Variants in PRKX observed in about 807,000 individuals in gnomAD.
The protein encoded by PRKX is cAMP-dependent protein kinase catalytic subunit PRKX.
Under a neutral mutation model 22.0 loss-of-function variants are expected in PRKX, and 12 were observed. The ratio of observed to expected loss-of-function variants is 0.54; its 90% confidence interval spans 0.35 to 0.88. The LOEUF is 0.88. Among genes scored for constraint, PRKX ranks in the 40% least tolerant of loss-of-function variants. The probability of loss-of-function intolerance (pLI) is 0.01; values close to 1 mark genes in which losing one functional copy is unlikely to be tolerated. For missense variants in PRKX, 217 were observed against 308.0 expected, an observed-to-expected ratio of 0.70 and a Z score of 2.21; for synonymous variants, 134 against 137.7, an observed-to-expected ratio of 0.97 and a Z score of 0.19.
At chrX:3,682,173 A>G (rs1928086509) in intron 1 of PRKX, among the ~76,000 whole-genome samples, 2 of 110,131 alleles carry the variant, frequency 1.8e-5, no homozygotes, top group Non-Finnish European at 3.8e-5. Context: ...ACTGCAGCAC[A>G]TTCCCGGGAG....
intron 1 of PRKX, among the ~76,000 whole-genome samples, chrX:3,705,825 TA>T (rs1308076337): frequency 5.2e-4 from 56 of 107,436 alleles, no homozygotes; most frequent in Admixed American, 4.8e-3. Context: ...CAGCTGGGAC[TA>T]ACAGGCGCCC....
intron 4 of PRKX, among the ~76,000 whole-genome samples, chrX:3,628,232 A>G (rs1926700601): frequency 9.0e-6 from 1 of 111,109 alleles, no homozygotes; most frequent in East Asian, 2.9e-4. Context: ...AGAACAGAGG[A>G]TACTAGACGC....
chrX:3,630,334 C>T (rs7884383), intron 4 of PRKX, among the ~76,000 whole-genome samples: 84 of 96,504 alleles, frequency 8.7e-4, no homozygotes, highest in Middle Eastern at 5.3e-3. Context: ...CCAAGGTGGG[C>T]GGATCACGAG....
chrX:3,683,433 G>C (rs1168484912), intron 1 of PRKX, among the ~76,000 whole-genome samples: 10 of 110,806 alleles, frequency 9.0e-5, no homozygotes, highest in African/African-American at 3.3e-4. Flanking sequence ...GCCTAGACAT[G>C]TCTGAGCCTT....
chrX:3,637,885 C>G (rs1457980192), intron 4 of PRKX, among the ~76,000 whole-genome samples: 13 of 109,352 alleles, frequency 1.2e-4, no homozygotes, highest in African/African-American at 4.0e-4. Flanking sequence ...TCTCGTGCCT[C>G]AGACTCCCGA....
chrX:3,619,983 G>T (rs1220366523), intron 6 of PRKX, among the ~76,000 whole-genome samples: 1 of 111,824 alleles, frequency 8.9e-6, no homozygotes, highest in African/African-American at 3.3e-5. Context: ...GTCAAATTCA[G>T]GGATGTCAAA....
At chrX:3,633,594 C>T (rs1343630871) in intron 4 of PRKX, among the ~76,000 whole-genome samples, 8 of 111,260 alleles carry the variant, frequency 7.2e-5, no homozygotes, top group African/African-American at 2.6e-4. Flanking sequence ...AAAAAATTTA[C>T]ACCAATTGTG....
intron 3 of PRKX, among the ~76,000 whole-genome samples, chrX:3,654,915 C>G (rs1004805945): frequency 6.3e-5 from 7 of 111,391 alleles, no homozygotes; most frequent in Middle Eastern, 4.2e-3. Context: ...ATTTCCTCCA[C>G]GGTGCCAGTG....
At chrX:3,675,463 T>C (rs1927933368) in intron 1 of PRKX, among the ~76,000 whole-genome samples, 1 of 110,348 alleles carries the variant, frequency 9.1e-6, no homozygotes, top group African/African-American at 3.3e-5. Flanking sequence ...CTCCATCTCT[T>C]CCTTCTCTTT....
At chrX:3,682,055 C>T (rs1474357151) in intron 1 of PRKX, among the ~76,000 whole-genome samples, 1 of 111,548 alleles carries the variant, frequency 9.0e-6, no homozygotes, top group African/African-American at 3.3e-5. Flanking sequence ...TGGAATTTCA[C>T]GCGGTCACAA....
At chrX:3,632,922 A>G (rs1427643542) in intron 4 of PRKX, among the ~76,000 whole-genome samples, 1 of 112,853 alleles carries the variant, frequency 8.9e-6, no homozygotes, top group African/African-American at 3.2e-5. Flanking sequence ...TTTCGCCTGA[A>G]AAATTCATGC....
Position 3,708,905 on chromosome X carries a change from T to C in PRKX, c.166+4183A>G, listed in dbSNP as rs764703451. 2.8e-5 allele frequency among the ~76,000 whole-genome samples: 3 copies of C among 108,862 alleles called. No individual in the cohort carries two copies. The Admixed American group carries it at 3.0e-4, about 11-fold the overall frequency. The allele number at this position is 108,862 out of a possible 115,157, so 94.5% of individuals were successfully genotyped here. On this transcript the variant is annotated intron_variant, in intron 1 of 8. Coordinates refer to ENST00000262848, the MANE Select transcript of PRKX (RefSeq NM_005044.5). ...GAGGGGTGTTCTGTGGTGAGGGAAT[T>C]CATCCTGCACCATGGTTTGGAGGGT...
chrX:3,677,378 A>G (rs1430278333), intron 1 of PRKX, among the ~76,000 whole-genome samples: 17 of 101,743 alleles, frequency 1.7e-4, no homozygotes, highest in Admixed American at 1.4e-3. Context: ...GCCCAGGCTG[A>G]AGTGCAATGG....
intron 1 of PRKX, among the ~76,000 whole-genome samples, chrX:3,706,019 C>A (rs1292302057): frequency 1.1e-4 from 11 of 103,295 alleles, no homozygotes; most frequent in African/African-American, 4.1e-4. Context: ...AAAAAAAAAA[C>A]CACAATGTCA....
chrX:3,697,913 C>T (rs73625738), intron 1 of PRKX, among the ~76,000 whole-genome samples: 2 of 111,577 alleles, frequency 1.8e-5, no homozygotes, highest in Non-Finnish European at 3.8e-5. Context: ...ACAGAACATG[C>T]TTTCTGGAAC....
At chrX:3,682,040 T>C (rs1405060693) in intron 1 of PRKX, among the ~76,000 whole-genome samples, 1 of 111,433 alleles carries the variant, frequency 9.0e-6, no homozygotes, top group Non-Finnish European at 1.9e-5. Flanking sequence ...ACAGGGACCG[T>C]GACATGGAAT....
intron 2 of PRKX, among the ~76,000 whole-genome samples, chrX:3,658,004 G>C (rs1391663723): frequency 9.0e-6 from 1 of 111,570 alleles, no homozygotes; most frequent in Non-Finnish European, 1.9e-5. Context: ...TTGTTTGTTT[G>C]TTTTTCAGAG....
At chrX:3,632,384 C>T in intron 4 of PRKX, among the ~76,000 whole-genome samples, 1 of 111,154 alleles carries the variant, frequency 9.0e-6, no homozygotes, top group Non-Finnish European at 1.9e-5. Context: ...AGCCCGTCCT[C>T]CCTCACCTGC....
At chrX:3,699,518 A>AT (rs1276810952) in intron 1 of PRKX, among the ~76,000 whole-genome samples, 2 of 107,390 alleles carry the variant, frequency 1.9e-5, no homozygotes, top group African/African-American at 6.8e-5. Context: ...ACGCCCAGCT[A>AT]TTTTTTTGTA....
Sources: allele counts gnomAD v4.1 joint callset (sites outside exome capture counted in the v4.1 genomes callset), GRCh38; gene constraint gnomAD v4.1.1; transcripts MANE v1.5; gene names NCBI Gene and HGNC (gene_info 2026-07-23, HGNC 2026-07-21).